The following DYNC1I1 variants were observed in gnomAD, a reference collection of about 807,000 sequenced individuals.
The protein encoded by DYNC1I1 is cytoplasmic dynein 1 intermediate chain 1.
In DYNC1I1, 43 loss-of-function variants were observed where a neutral mutation model predicts 86.6. That is an observed-to-expected ratio of 0.50 (90% confidence interval 0.39 to 0.64). The LOEUF (loss-of-function observed/expected upper bound fraction) is 0.64. DYNC1I1 is among the 30% of genes least tolerant of loss of function. DYNC1I1 has a pLI of 0.00. For missense variants in DYNC1I1, 604 were observed against 788.8 expected, an observed-to-expected ratio of 0.77 and a Z score of 2.81; for synonymous variants, 262 against 283.7, an observed-to-expected ratio of 0.92 and a Z score of 0.77.
At chr7:95,873,397 AT>A (rs1372611990) in intron 6 of DYNC1I1, among the ~76,000 whole-genome samples, 1 of 152,186 alleles carries the variant, frequency 6.6e-6, no homozygotes, top group African/African-American at 2.4e-5. Context: ...GGGTAAATGG[AT>A]TGAATAAATA....
At chr7:95,837,817 C>G (rs572118717) in intron 5 of DYNC1I1, among the ~76,000 whole-genome samples, 2 of 152,394 alleles carry the variant, frequency 1.3e-5, no homozygotes, top group East Asian at 3.9e-4. Flanking sequence ...ATGCCTCACC[C>G]TGCTTCGGCT....
intron 10 of DYNC1I1, among the ~76,000 whole-genome samples, chr7:96,019,345 C>G (rs1331538544): frequency 6.6e-6 from 1 of 151,738 alleles, no homozygotes; most frequent in Admixed American, 6.6e-5. Context: ...CCTCTGGTAA[C>G]CAATGTGGGT....
chr7:95,934,724 C>A (rs1463133332), intron 6 of DYNC1I1, among the ~76,000 whole-genome samples: 3 of 151,972 alleles, frequency 2.0e-5, no homozygotes, highest in African/African-American at 7.2e-5. Flanking sequence ...GTTTTAAAAT[C>A]CCTGCCTGAC....
chr7:95,904,515 G>A (rs1218551958), intron 6 of DYNC1I1, among the ~76,000 whole-genome samples: 1 of 152,148 alleles, frequency 6.6e-6, no homozygotes, highest in Non-Finnish European at 1.5e-5. Context: ...TCAGCCAATG[G>A]CAGATGCAGG....
At chr7:95,811,310 C>T (rs556724755) in intron 3 of DYNC1I1, among the ~76,000 whole-genome samples, 3 of 151,914 alleles carry the variant, frequency 2.0e-5, no homozygotes, top group Middle Eastern at 6.8e-3. Context: ...ACATTATATC[C>T]AATATAGTTA....
intron 6 of DYNC1I1, among the ~76,000 whole-genome samples, chr7:95,916,804 C>T (rs567739385): frequency 6.6e-6 from 1 of 152,268 alleles, no homozygotes; most frequent in South Asian, 2.1e-4. Flanking sequence ...GAAAACTGCT[C>T]ACAGCCTGAT....
At chr7:95,835,855 C>T (rs1789072464) in intron 5 of DYNC1I1, among the ~76,000 whole-genome samples, 1 of 151,990 alleles carries the variant, frequency 6.6e-6, no homozygotes, top group Non-Finnish European at 1.5e-5. Context: ...TTATTTTGAG[C>T]CTATGTGTGT....
intron 16 of DYNC1I1, among the ~76,000 whole-genome samples, chr7:96,108,264 C>A (rs1450332736): frequency 6.6e-6 from 1 of 152,112 alleles, no homozygotes; most frequent in Non-Finnish European, 1.5e-5. Flanking sequence ...TACTGTCCTG[C>A]AACGAACCCA....
intron 9 of DYNC1I1, among the ~76,000 whole-genome samples, chr7:95,988,417 C>T (rs1304146545): frequency 6.6e-6 from 1 of 152,072 alleles, no homozygotes; most frequent in African/African-American, 2.4e-5. Context: ...TCCCCATTGC[C>T]CGTAGAAAAG....
rs1194132353 is a variant in DYNC1I1 at position 95,896,152 on chromosome 7, A to C, written c.490+26154A>C. Among the ~76,000 whole-genome samples the C allele has an allele frequency of 7.2e-5, 11 of 152,318 alleles. No individual in the cohort carries two copies. The East Asian group carries it at 2.1e-3, about 29-fold the overall frequency. On this transcript the variant is annotated intron_variant, in intron 6 of 16. Coordinates refer to ENST00000447467, the MANE Select transcript of DYNC1I1 (RefSeq NM_001135556.2). ...CACTTTCTTAGGCAAGTCCAGACAC[A>C]GTATATAGCGGCTTCAGGTGGGACT...
chr7:95,845,415 C>A (rs2116037401), intron 5 of DYNC1I1, among the ~76,000 whole-genome samples: 1 of 152,308 alleles, frequency 6.6e-6, no homozygotes, highest in African/African-American at 2.4e-5. Flanking sequence ...CCTAACAGAA[C>A]AGATGTAACC....
rs369124272 is a variant in DYNC1I1, at chr7:96,039,358, C to T, written c.1446C>T (p.Ile482=). 32 of 1,614,008 alleles carry T rather than the reference C, an allele frequency of 2.0e-5. No homozygotes were observed. The highest frequency in any genetic ancestry group is 2.7e-5 in the African/African-American group (2 of 74,936). ...GINCHMAVGP[I]DFSHLFVTSS... ...ACTGCCACATGGCAGTGGGCCCAATCGACTTTTCTCACCTGTTTGTCACAT... is the reference window on the plus strand; with the variant it reads ...ACTGCCACATGGCAGTGGGCCCAATTGACTTTTCTCACCTGTTTGTCACAT... Residue 482 remains isoleucine (I), a synonymous_variant, in exon 14 of 17, where the codon ATC becomes ATT. Coordinates refer to ENST00000447467, the MANE Select transcript of DYNC1I1 (RefSeq NM_001135556.2).
At chr7:95,954,602 T>A (rs1322307972) in intron 6 of DYNC1I1, among the ~76,000 whole-genome samples, 1 of 152,136 alleles carries the variant, frequency 6.6e-6, no homozygotes, top group Non-Finnish European at 1.5e-5. Context: ...TTATGTTAAA[T>A]GTCTTCTTGT....
At chr7:96,061,689 C>A (rs1236548083) in intron 14 of DYNC1I1, among the ~76,000 whole-genome samples, 1 of 143,056 alleles carries the variant, frequency 7.0e-6, no homozygotes, top group Non-Finnish European at 1.5e-5. Context: ...CTCCCTCCCT[C>A]CCTCCCTCTC....
intron 1 of DYNC1I1, among the ~76,000 whole-genome samples, chr7:95,782,265 G>A (rs566962728): frequency 1.2e-4 from 19 of 152,258 alleles, no homozygotes; most frequent in East Asian, 1.2e-3. Context: ...TGGAATTTTC[G>A]TAATAAACTC....
chr7:95,986,756 C>A (rs1793606254), intron 8 of DYNC1I1, among the ~76,000 whole-genome samples: 1 of 151,868 alleles, frequency 6.6e-6, no homozygotes, highest in Admixed American at 6.6e-5. Context: ...CAGGGAGAGG[C>A]TCTGGCCTGA....
At chr7:96,028,954 A>C (rs769491939) in intron 11 of DYNC1I1, among the ~76,000 whole-genome samples, 1 of 152,186 alleles carries the variant, frequency 6.6e-6, no homozygotes, top group Non-Finnish European at 1.5e-5. Flanking sequence ...AATTGTTCAG[A>C]GGAATGAGAA....
chr7:96,080,472 T>C lies in DYNC1I1; in HGVS notation c.1760T>C (p.Val587Ala). 6.2e-7 allele frequency: 1 copy of C among 1,614,078 alleles called. No homozygotes were observed. Among genetic ancestry groups the C allele is most frequent in the Non-Finnish European group, 8.5e-7 (1 of 1,180,006 alleles). ...GGGGACTCGGAAGGCCGTATTTGGG[T>C]CTATGACGTTGGAGAGGTACGTGTG... ...AVGDSEGRIW[V>A]YDVGELAVPH... The change falls in exon 16 of 17, where the codon GTC (valine) becomes GCC (alanine). Residue 587 changes from valine to alanine, a missense_variant. Physicochemically the swap from Val to Ala is moderately conservative, Grantham distance 64. Transcript: ENST00000447467.
At chr7:95,776,888 T>C (rs1330633751) in intron 1 of DYNC1I1, among the ~76,000 whole-genome samples, 1 of 152,232 alleles carries the variant, frequency 6.6e-6, no homozygotes, top group African/African-American at 2.4e-5. Context: ...AACATCCCTG[T>C]AAGGTGGACA....
Sources: allele counts gnomAD v4.1 joint callset (sites outside exome capture counted in the v4.1 genomes callset), GRCh38; gene constraint gnomAD v4.1.1; transcripts MANE v1.5; gene names NCBI Gene and HGNC (gene_info 2026-07-23, HGNC 2026-07-21).